LTBP1: variants seen among roughly 807,000 people sequenced by gnomAD.
LTBP1 encodes the protein latent transforming growth factor beta binding protein 1, also known as latent-transforming growth factor beta-binding protein 1.
A neutral mutation model predicts 207.6 loss-of-function variants in LTBP1; 129 were observed. That is an observed-to-expected ratio of 0.62 (90% confidence interval 0.54 to 0.72). The LOEUF (loss-of-function observed/expected upper bound fraction) is 0.72, where lower values mean the gene tolerates loss of function less well. LTBP1 is among the 30% of genes least tolerant of loss of function. The pLI is 0.00. For missense variants in LTBP1, 2,281 were observed against 2,217.2 expected (o/e 1.03, Z -0.58); for synonymous variants, 963 against 833.7 (o/e 1.16, Z -2.67).
chr2:33,301,137 A>G (rs1207226818), intron 21 of LTBP1, among the ~76,000 whole-genome samples: 1 of 152,202 alleles, frequency 6.6e-6, no homozygotes, highest in Non-Finnish European at 1.5e-5. Flanking sequence ...TTTTTAAAGA[A>G]ACATTTCATT....
At chr2:33,192,630 A>G (rs1176100422) in intron 7 of LTBP1, among the ~76,000 whole-genome samples, 2 of 152,230 alleles carry the variant, frequency 1.3e-5, no homozygotes, top group East Asian at 3.8e-4. Context: ...TTTTTTAAAA[A>G]AAAGCCAGAT....
intron 3 of LTBP1, chr2:33,056,463 G>C: frequency 1.1e-6 from 1 of 900,988 alleles, no homozygotes; most frequent in Non-Finnish European, 1.7e-6. Flanking sequence ...GTTGCAAATT[G>C]CCAGCTGGAG....
chr2:33,215,873 G>A (rs1463709076), intron 7 of LTBP1, among the ~76,000 whole-genome samples: 2 of 151,980 alleles, frequency 1.3e-5, no homozygotes, highest in East Asian at 1.9e-4. Context: ...GCACCACCAC[G>A]CTGGCTAATT....
Position 32,985,215 on chromosome 2 carries a change from A to T in LTBP1, c.566-35694A>T, listed in dbSNP as rs116288312. Among the ~76,000 whole-genome samples, 999 of 152,304 alleles carry T rather than the reference A, an allele frequency of 6.6e-3. 7 individuals carry two copies. The highest frequency in any genetic ancestry group is 9.3e-3 in the Admixed American group (142 of 15,300). ...ACAAGTGATGTCCCATTAGATCTTT[A>T]TCAATTGGTGGGTTGGAACATGGGT... On this transcript the variant is annotated intron_variant, in intron 2 of 33. Transcript: ENST00000404816.
intron 5 of LTBP1, among the ~76,000 whole-genome samples, chr2:33,171,565 C>A (rs1227290760): frequency 6.6e-6 from 1 of 150,786 alleles, no homozygotes; most frequent in Non-Finnish European, 1.5e-5. Flanking sequence ...AGAATGGAAC[C>A]AAGTTGGAAA....
chr2:33,203,105 G>T (rs1198852173), intron 7 of LTBP1, among the ~76,000 whole-genome samples: 1 of 152,142 alleles, frequency 6.6e-6, no homozygotes, highest in Non-Finnish European at 1.5e-5. Flanking sequence ...GCTCTCTGTA[G>T]CCATCCGTGC....
intron 3 of LTBP1, among the ~76,000 whole-genome samples, chr2:33,070,715 C>T (rs1192483952): frequency 6.6e-6 from 1 of 152,178 alleles, no homozygotes; most frequent in Non-Finnish European, 1.5e-5. Context: ...TTTGTAGATC[C>T]TGTGCAGGCA....
At chr2:33,232,114 G>A (rs986786353) in intron 9 of LTBP1, among the ~76,000 whole-genome samples, 1 of 152,084 alleles carries the variant, frequency 6.6e-6, no homozygotes, top group Non-Finnish European at 1.5e-5. Flanking sequence ...GGTAAGGGGG[G>A]ATTCTGGCTC....
At chr2:33,339,162 T>C (rs1335941702) in intron 24 of LTBP1, among the ~76,000 whole-genome samples, 2 of 151,708 alleles carry the variant, frequency 1.3e-5, no homozygotes, top group African/African-American at 4.8e-5. Context: ...TGAAGGGTGA[T>C]ATTAAGATTT....
chr2:33,061,356 AC>A (rs1366877857), intron 3 of LTBP1: 4 of 152,296 alleles, frequency 2.6e-5, no homozygotes, highest in African/African-American at 7.2e-5. Flanking sequence ...TTTACAGTGT[AC>A]TGAAATGTAC....
chr2:32,960,525 A>G (rs1352183537), intron 2 of LTBP1, among the ~76,000 whole-genome samples: 1 of 152,162 alleles, frequency 6.6e-6, no homozygotes, highest in East Asian at 1.9e-4. Context: ...CTCCCTGCCA[A>G]TTTTAGAATC....
intron 20 of LTBP1, among the ~76,000 whole-genome samples, chr2:33,296,550 C>G (rs886592251): frequency 6.6e-6 from 1 of 152,104 alleles, no homozygotes; most frequent in Non-Finnish European, 1.5e-5. Flanking sequence ...GGATCAGACT[C>G]TCTAATGGGA....
intron 25 of LTBP1, among the ~76,000 whole-genome samples, chr2:33,343,274 G>A (rs2094654533): frequency 6.6e-6 from 1 of 151,848 alleles, no homozygotes; most frequent in Admixed American, 6.6e-5. Flanking sequence ...AGCCAGGCTT[G>A]ATGGTGGATG....
chr2:33,277,809 CTT>C (rs1159456025), intron 18 of LTBP1, among the ~76,000 whole-genome samples: 19 of 105,710 alleles, frequency 1.8e-4, no homozygotes, highest in South Asian at 8.8e-4. Flanking sequence ...CTCTCTCTTT[CTT>C]TTTTTCTTTC....
rs531294422 is a variant in LTBP1 at position 33,170,701 on chromosome 2, G to C, written c.1202-16155G>C. ...CTGGAGATCTGAGAAGGGGCAGACTGCCTCCTCAAGTGGGTCCCTGACCCC... is the reference window on the plus strand; with the variant it reads ...CTGGAGATCTGAGAAGGGGCAGACTCCCTCCTCAAGTGGGTCCCTGACCCC... On this transcript the variant is annotated intron_variant, in intron 5 of 33. Transcript: ENST00000404816. 2.6e-5 allele frequency among the ~76,000 whole-genome samples: 4 copies of C among 152,286 alleles called. No homozygotes were observed. The East Asian group carries it at 7.7e-4, about 30-fold the overall frequency.
In LTBP1 at chr2:33,398,645, G is replaced by A; in HGVS notation, c.*100G>A. The A allele has an allele frequency of 8.5e-7, 1 of 1,175,526 alleles. No individual in the cohort carries two copies. The highest frequency in any genetic ancestry group is 1.2e-6 in the Non-Finnish European group (1 of 855,174). The allele number at this position is 1,175,526 out of a possible 1,614,324, so 72.8% of individuals were successfully genotyped here. On this transcript the variant is annotated 3_prime_UTR_variant, in exon 34 of 34. Transcript: ENST00000404816. The stretch of plus-strand genomic sequence containing the variant: ...GACATTGCACCTACCCCGGAAGGCT[G>A]GAAATACAGAAACAGCATGGAATTG...
At chr2:32,990,019 C>G (rs1240036429) in intron 2 of LTBP1, among the ~76,000 whole-genome samples, 1 of 152,134 alleles carries the variant, frequency 6.6e-6, no homozygotes, top group African/African-American at 2.4e-5. Flanking sequence ...GTGGGAGGAC[C>G]GCTTGAGCCC....
chr2:33,008,980 A>C (rs2149074016), intron 2 of LTBP1, among the ~76,000 whole-genome samples: 1 of 152,296 alleles, frequency 6.6e-6, no homozygotes, highest in Middle Eastern at 3.4e-3. Flanking sequence ...CACTCAAGGG[A>C]GTGCAAGGAA....
intron 2 of LTBP1, among the ~76,000 whole-genome samples, chr2:33,018,938 A>G (rs1688772114): frequency 2.0e-5 from 3 of 152,096 alleles, no homozygotes; most frequent in Admixed American, 2.0e-4. Context: ...CTGACACCCA[A>G]GGGCCATTTT....
Sources: gnomAD v4.1 joint callset for allele counts (sites outside exome capture counted in the v4.1 genomes callset) on GRCh38, gnomAD v4.1.1 for gene constraint, MANE v1.5 for transcripts, NCBI Gene and HGNC (gene_info 2026-07-23, HGNC 2026-07-21) for gene names.